The following DNAL4 variants were observed in gnomAD, a reference collection of about 807,000 sequenced individuals.
DNAL4 encodes the protein dynein light chain, outer arm 4.
Under a neutral mutation model 12.6 loss-of-function variants are expected in DNAL4, and 10 were observed. The observed-to-expected ratio is 0.79, with a 90% CI of 0.49 to 1.34. DNAL4 has a LOEUF of 1.34. Ranked by LOEUF, DNAL4 falls within the 40% of genes most tolerant of loss-of-function variation. The pLI, the probability that DNAL4 is intolerant of heterozygous loss-of-function variation, is 0.00. For synonymous variants in DNAL4, 46 were observed against 53.1 expected, an observed-to-expected ratio of 0.87 and a Z score of 0.58; for missense variants, 128 against 138.1, an observed-to-expected ratio of 0.93 and a Z score of 0.37.
intron 1 of DNAL4, among the ~76,000 whole-genome samples, chr22:38,791,116 G>A (rs910104284): frequency 3.4e-5 from 5 of 149,074 alleles, no homozygotes; most frequent in African/African-American, 1.2e-4. Flanking sequence ...GCAGTGAGCA[G>A]AAATCACACC....
rs554835421 is a variant in DNAL4, at chr22:38,787,224, TTTTC to T, written c.-139-4358_-139-4355del. Among the ~76,000 whole-genome samples, 720 of 151,658 alleles carry T rather than the reference TTTTC, an allele frequency of 4.7e-3. 5 individuals are homozygous for T. The highest frequency in any genetic ancestry group is 0.013 in the African/African-American group (528 of 41,220). On this transcript the variant is annotated intron_variant, in intron 1 of 3. Coordinates refer to ENST00000216068, the MANE Select transcript of DNAL4 (RefSeq NM_005740.3). Reference sequence around the variant, plus strand: ...CTCCCTAAGCCTCAGTTTTCTTTTCTTTTCTTTCTTTCTTTCTTTCTTTTTTTTT... The same window carrying T: ...CTCCCTAAGCCTCAGTTTTCTTTTCTTTTCTTTCTTTCTTTCTTTTTTTTT...
chr22:38,783,047 G>C (rs1603239427), intron 1 of DNAL4, among the ~76,000 whole-genome samples, 177 bp from the exon 2 acceptor site: 1 of 152,278 alleles, frequency 6.6e-6, no homozygotes, highest in East Asian at 1.9e-4. Context: ...GCTGGGACCT[G>C]GTTAAGAACA....
chr22:38,782,626 C>A lies in DNAL4; in HGVS notation c.69+37G>T. 6.2e-7 allele frequency: 1 copy of A among 1,608,964 alleles called. No homozygotes were observed. The highest frequency in any genetic ancestry group is 1.1e-5 in the South Asian group (1 of 90,524). On this transcript the variant is annotated intron_variant, in intron 2 of 3. Transcript: ENST00000216068. The surrounding 1 kb of genome is among the most constrained non-coding windows in gnomAD (Gnocchi z 5.1). ...CCACCTCTCTCCAGGCTGTGTGGGCCCTGCCGGCAGTCCTGCCTCCCTCCC... is the reference window on the plus strand; with the variant it reads ...CCACCTCTCTCCAGGCTGTGTGGGCACTGCCGGCAGTCCTGCCTCCCTCCC...
In DNAL4 at chr22:38,782,854, T is replaced by C; in HGVS notation, c.-123A>G. The C allele has an allele frequency of 1.1e-6, 1 of 894,064 alleles. No individual in the cohort carries two copies. The highest frequency in any genetic ancestry group is 2.0e-5 in the South Asian group (1 of 51,172). 55.4% of individuals were successfully genotyped at this position (894,064 alleles called of 1,614,324 possible). ...GCCAACTCGGTGGGAGCAGAAAATG[T>C]CTTTCCCCGGGGGGTGCTGCAGAAA... On this transcript the variant is annotated 5_prime_UTR_variant, in exon 2 of 4. Coordinates refer to ENST00000216068, the MANE Select transcript of DNAL4 (RefSeq NM_005740.3). This position sits in a 1 kb window ranked among gnomAD's most constrained non-coding sequence, Gnocchi z 5.1.
rs1186392896 is a variant in DNAL4, at chr22:38,782,733, AT to A, written c.-3del. The A allele has an allele frequency of 1.9e-6, 3 of 1,611,792 alleles. No homozygotes were observed. The highest frequency in any genetic ancestry group is 2.5e-6 in the Non-Finnish European group (3 of 1,179,250). On this transcript the variant is annotated 5_prime_UTR_variant, in exon 2 of 4. Transcript: ENST00000216068. This position sits in a 1 kb window ranked among gnomAD's most constrained non-coding sequence, Gnocchi z 5.1. ...TTTCTTCCCTTCTGTTTCTCCCATG[AT>A]CCTTCCACTGTGACCACTGGAGGAG...
rs529478093 is a variant in DNAL4, at chr22:38,780,993, T to G, written c.86A>C (p.Glu29Ala). 1.2e-6 allele frequency: 2 copies of G among 1,614,080 alleles called. No individual in the cohort carries two copies. The highest frequency in any genetic ancestry group is 1.1e-5 in the South Asian group (1 of 91,072). The change falls in exon 3 of 4, where the codon GAG becomes GCG. Residue 29 changes from glutamate (E) to alanine (A), a missense_variant. Transcript: ENST00000216068. ...FPLVRHSDMP[E>A]EMRVETMELC... ...CTCCATGGTCTCCACGCGCATCTCC[T>G]CTGGCATGTCCGAGTGCTAGAGACA...
At position 38,779,354 on chromosome 22, in the gene DNAL4, C is replaced by G. The variant is rs148468067; in HGVS notation, c.*95G>C. 51 of 1,427,440 alleles carry G rather than the reference C, an allele frequency of 3.6e-5. No individual in the cohort carries two copies. The highest frequency in any genetic ancestry group is 4.7e-5 in the Non-Finnish European group (51 of 1,079,748). The allele number at this position is 1,427,440 out of a possible 1,614,324, so 88.4% of individuals were successfully genotyped here. A position where few individuals can be genotyped will look rare whatever the true frequency, so the allele number is the denominator to read the frequency against. On this transcript the variant is annotated 3_prime_UTR_variant, in exon 4 of 4. Transcript: ENST00000216068. The surrounding 1 kb of genome is among the most constrained non-coding windows in gnomAD (Gnocchi z 4.3). Reference sequence around the variant, plus strand: ...AAGACAAAAAGAAAAGACCCCAACTCTCCTTGGAAAAACCAGGACCTGCCT... The same window carrying G: ...AAGACAAAAAGAAAAGACCCCAACTGTCCTTGGAAAAACCAGGACCTGCCT...
rs764712598 is a variant in DNAL4 at position 38,779,548 on chromosome 22, G to C, written c.219C>G (p.Ile73Met). The change falls in exon 4 of 4, where the codon ATC (isoleucine) becomes ATG (methionine). Residue 73 changes from isoleucine (I) to methionine (M), a missense_variant. Ile to Met is a conservative substitution (Grantham distance 10). Transcript: ENST00000216068. The surrounding 1 kb of genome is among the most constrained non-coding windows in gnomAD (Gnocchi z 4.3). ...KKFGSSWHVV[I>M]GEGFGFEITH... ...TGATCTCAAACCCAAAGCCCTCGCC[G>C]ATCACCACGTGCCAGGAGGAGCCGA... is the stretch of plus-strand genomic sequence containing the variant. The C allele has an allele frequency of 2.1e-5, 34 of 1,591,728 alleles. No homozygotes were observed. Among genetic ancestry groups the C allele is most frequent in the Non-Finnish European group, 2.8e-5 (33 of 1,168,284 alleles).
chr22:38,789,673 GAACT>G (rs1276816100), intron 1 of DNAL4, among the ~76,000 whole-genome samples: 7 of 152,300 alleles, frequency 4.6e-5, no homozygotes, highest in Admixed American at 2.6e-4. Flanking sequence ...CATACACAAG[GAACT>G]AACTATGGTT....
Position 38,779,314 on chromosome 22 carries a change from G to C in DNAL4, c.*135C>G. 8.2e-7 allele frequency: 1 copy of C among 1,217,560 alleles called. No homozygotes were observed. The allele number at this position is 1,217,560 out of a possible 1,614,324, so 75.4% of individuals were successfully genotyped here. A position where few individuals can be genotyped will look rare whatever the true frequency, so the allele number is the denominator to read the frequency against. ...AAGTTCACACACTGGGCGTGGCTCA[G>C]GAAACTGGTACACAAAGACAAAAAG... On this transcript the variant is annotated 3_prime_UTR_variant, in exon 4 of 4. Transcript: ENST00000216068. This position sits in a 1 kb window ranked among gnomAD's most constrained non-coding sequence, Gnocchi z 4.3.
chr22:38,779,242 CCT>C lies in DNAL4; in HGVS notation c.*205_*206del, dbSNP rs1164334641. 2 of 646,888 alleles carry C rather than the reference CCT, an allele frequency of 3.1e-6. No individual in the cohort carries two copies. Among genetic ancestry groups the C allele is most frequent in the Non-Finnish European group, 4.9e-6 (2 of 405,524 alleles). 40.1% of individuals were successfully genotyped at this position (646,888 alleles called of 1,614,324 possible). A position where few individuals can be genotyped will look rare whatever the true frequency, so the allele number is the denominator to read the frequency against. ...CCCATGCCCGCTGCCCCGTCCACAC[CCT>C]GAGACTCCGAGGGAGACGGTTGAGA... is the stretch of plus-strand genomic sequence containing the variant. On this transcript the variant is annotated 3_prime_UTR_variant, in exon 4 of 4. Transcript: ENST00000216068. This position sits in a 1 kb window ranked among gnomAD's most constrained non-coding sequence, Gnocchi z 4.3.
At chr22:38,786,424 T>C (rs2093042297) in intron 1 of DNAL4, among the ~76,000 whole-genome samples, 1 of 152,178 alleles carries the variant, frequency 6.6e-6, no homozygotes, top group African/African-American at 2.4e-5. Context: ...CCGGATGTGG[T>C]GGTACATGCC....
chr22:38,788,163 G>C (rs555055191), intron 1 of DNAL4, among the ~76,000 whole-genome samples: 1 of 152,138 alleles, frequency 6.6e-6, no homozygotes, highest in South Asian at 2.1e-4. Context: ...GACAGGGGAG[G>C]AAAAAGGATC....
chr22:38,780,297 C>T (rs1439705283), intron 3 of DNAL4, among the ~76,000 whole-genome samples: 1 of 152,214 alleles, frequency 6.6e-6, no homozygotes, highest in Non-Finnish European at 1.5e-5. Flanking sequence ...GAGGAGGCAC[C>T]ATCGCCACCC....
intron 1 of DNAL4, among the ~76,000 whole-genome samples, chr22:38,784,922 G>A (rs112312696): frequency 2.6e-5 from 4 of 151,688 alleles, no homozygotes; most frequent in East Asian, 1.9e-4. Context: ...CCAATGACTC[G>A]GTGCCACTCC....
chr22:38,781,488 C>T (rs770681189), intron 2 of DNAL4, among the ~76,000 whole-genome samples: 22 of 152,052 alleles, frequency 1.4e-4, no homozygotes, highest in Non-Finnish European at 2.2e-4. Context: ...CCATCTCCAG[C>T]GACTCCATCT....
At chr22:38,789,293 T>C (rs1342509698) in intron 1 of DNAL4, among the ~76,000 whole-genome samples, 1 of 152,160 alleles carries the variant, frequency 6.6e-6, no homozygotes, top group Non-Finnish European at 1.5e-5. Context: ...CGAGACAGGG[T>C]CTCACTCTGT....
chr22:38,791,237 C>G (rs2093050126), intron 1 of DNAL4, among the ~76,000 whole-genome samples: 1 of 152,012 alleles, frequency 6.6e-6, no homozygotes, highest in Non-Finnish European at 1.5e-5. Context: ...ATATAGGTCA[C>G]TTCCCATGAA....
chr22:38,779,544 C>A lies in DNAL4; in HGVS notation c.223G>T (p.Glu75Ter). Residue 75 changes from glutamate (E) to a stop codon, truncating the protein, a stop_gained, in exon 4 of 4, where the codon GAG becomes TAG. Transcript: ENST00000216068. LOFTEE classifies it high-confidence loss of function. This position sits in a 1 kb window ranked among gnomAD's most constrained non-coding sequence, Gnocchi z 4.3. ...FGSSWHVVIG[E>*]GFGFEITHEV... is the part of the protein sequence containing the mutation. ...TGGGTGATCTCAAACCCAAAGCCCT[C>A]GCCGATCACCACGTGCCAGGAGGAG... is the stretch of plus-strand genomic sequence containing the variant. The A allele has an allele frequency of 1.3e-6, 2 of 1,590,022 alleles. No individual in the cohort carries two copies. Among genetic ancestry groups the A allele is most frequent in the Non-Finnish European group, 1.7e-6 (2 of 1,167,340 alleles).
Sources: allele counts gnomAD v4.1 joint callset (sites outside exome capture counted in the v4.1 genomes callset), GRCh38; gene constraint gnomAD v4.1.1; non-coding constraint Gnocchi (gnomAD v3.1); transcripts MANE v1.5; gene names NCBI Gene and HGNC (gene_info 2026-07-23, HGNC 2026-07-21).